PPP3CC: variants seen among roughly 807,000 people sequenced by gnomAD.
The protein encoded by PPP3CC is serine/threonine-protein phosphatase 2B catalytic subunit gamma isoform.
PPP3CC carries 35 observed loss-of-function variants against 60.3 expected under a neutral mutation model. The ratio of observed to expected loss-of-function variants is 0.58; its 90% CI spans 0.44 to 0.77. The LOEUF is 0.77. Among genes scored for constraint, PPP3CC ranks in the 30% least tolerant of loss-of-function variants. The pLI is 0.00. For synonymous variants in PPP3CC, 206 were observed against 224.3 expected, an observed-to-expected ratio of 0.92 and a Z score of 0.73; for missense variants, 570 against 628.9, an observed-to-expected ratio of 0.91 and a Z score of 1.00.
intron 1 of PPP3CC, among the ~76,000 whole-genome samples, chr8:22,459,946 G>A (rs1332102492): frequency 6.6e-6 from 1 of 152,158 alleles, no homozygotes; most frequent in Admixed American, 6.5e-5. Flanking sequence ...AGAAAATGAA[G>A]AGGCAAGCCA....
At chr8:22,530,401 G>A (rs903860070) in intron 10 of PPP3CC, among the ~76,000 whole-genome samples, 2 of 151,976 alleles carry the variant, frequency 1.3e-5, no homozygotes, top group Non-Finnish European at 1.5e-5. Flanking sequence ...GTTGCAATGA[G>A]CGGAGATCTT....
At chr8:22,515,138 C>A (rs1425668731) in intron 6 of PPP3CC, among the ~76,000 whole-genome samples, 5 of 152,102 alleles carry the variant, frequency 3.3e-5, no homozygotes, top group African/African-American at 1.2e-4. Flanking sequence ...CCTTCCCAGC[C>A]TCTGGTAACC....
intron 3 of PPP3CC, chr8:22,492,672 G>A (rs577011483): frequency 1.2e-5 from 9 of 742,044 alleles, no homozygotes; most frequent in East Asian, 2.7e-5. Flanking sequence ...GCACAAGTGC[G>A]CATTGGTGGG....
chr8:22,441,551 G>A, intron 1 of PPP3CC, 93 bp downstream of exon 1: 1 of 1,378,834 alleles, frequency 7.3e-7, no homozygotes, highest in Non-Finnish European at 9.6e-7. Context: ...GGGCCGGGCT[G>A]CGCCCACCCT....
At chr8:22,470,760 A>T (rs1425948168) in intron 1 of PPP3CC, among the ~76,000 whole-genome samples, 1 of 152,202 alleles carries the variant, frequency 6.6e-6, no homozygotes, top group Non-Finnish European at 1.5e-5. Flanking sequence ...GATGAGCAAT[A>T]TTGAGTGTTG....
chr8:22,489,735 A>AT, intron 3 of PPP3CC, among the ~76,000 whole-genome samples: 1 of 47,830 alleles, frequency 2.1e-5, no homozygotes, highest in African/African-American at 6.9e-5. Flanking sequence ...TATTATATAT[A>AT]TAATAAGTAT....
intron 3 of PPP3CC, among the ~76,000 whole-genome samples, chr8:22,494,450 A>G (rs1456894151): frequency 6.6e-6 from 1 of 152,122 alleles, no homozygotes; most frequent in African/African-American, 2.4e-5. Flanking sequence ...TCAAGTTGAG[A>G]TTTGGCTGGG....
At chr8:22,465,502 T>A (rs1198071320) in intron 1 of PPP3CC, among the ~76,000 whole-genome samples, 1 of 152,222 alleles carries the variant, frequency 6.6e-6, no homozygotes, top group Non-Finnish European at 1.5e-5. Flanking sequence ...TGGGGCCTAA[T>A]GAGAGGTGTT....
intron 1 of PPP3CC, among the ~76,000 whole-genome samples, chr8:22,454,666 T>C (rs1837138955): frequency 6.6e-6 from 1 of 152,222 alleles, no homozygotes; most frequent in Non-Finnish European, 1.5e-5. Context: ...ATAGAAACTT[T>C]TCAGCTCCAT....
At chr8:22,528,678 A>G in intron 10 of PPP3CC, 101 bp downstream of exon 10, 1 of 892,864 alleles carries the variant, frequency 1.1e-6, no homozygotes, top group Non-Finnish European at 1.6e-6. Flanking sequence ...TATTAAAAAT[A>G]AAGTTAGTTC....
chr8:22,473,137 A>G (rs1423094698), intron 1 of PPP3CC, among the ~76,000 whole-genome samples: 1 of 152,216 alleles, frequency 6.6e-6, no homozygotes, highest in South Asian at 2.1e-4. Flanking sequence ...ACAATATGGT[A>G]TGGCTAGATT....
At chr8:22,476,063 G>A (rs1263262634) in intron 3 of PPP3CC, among the ~76,000 whole-genome samples, 2 of 152,072 alleles carry the variant, frequency 1.3e-5, no homozygotes, top group Non-Finnish European at 2.9e-5. Context: ...GTCTGGTACT[G>A]GTACACATAG....
chr8:22,510,978 A>T, intron 4 of PPP3CC, 108 bp from the exon 5 acceptor site: 1 of 1,214,876 alleles, frequency 8.2e-7, no homozygotes, highest in Non-Finnish European at 1.2e-6. Context: ...CTTTCAAATC[A>T]TCTAAAATAA....
At chr8:22,514,248 CAA>C (rs66505760) in intron 6 of PPP3CC, among the ~76,000 whole-genome samples, 220 of 89,320 alleles carry the variant, frequency 2.5e-3, no homozygotes, top group Admixed American at 3.8e-3. Flanking sequence ...ACTCTGTCTC[CAA>C]AAAAAAAAAA....
In PPP3CC at chr8:22,475,689, T is replaced by G. The variant is rs759603760; in HGVS notation, c.372+65T>G. The G allele has an allele frequency of 5.6e-6, 8 of 1,434,318 alleles. No homozygotes were observed. In the East Asian group the frequency reaches 2.0e-4, roughly 35 times the overall value. The allele number at this position is 1,434,318 out of a possible 1,614,324, so 88.8% of individuals were successfully genotyped here. A position where few individuals can be genotyped will look rare whatever the true frequency, so the allele number is the denominator to read the frequency against. On this transcript the variant is annotated intron_variant, in intron 3 of 13. Transcript: ENST00000240139. ...CTTTCAAAAAAGATGATTTCCATTC[T>G]TCAGTAGAAGAAATTAAAATGAGAA...
intron 1 of PPP3CC, among the ~76,000 whole-genome samples, chr8:22,462,571 T>A (rs1396258099): frequency 6.6e-6 from 1 of 151,806 alleles, no homozygotes; most frequent in African/African-American, 2.4e-5. Context: ...TTTTTTTCTT[T>A]TTTCTTTTTT....
chr8:22,492,683 A>T, intron 3 of PPP3CC: 1 of 818,466 alleles, frequency 1.2e-6, no homozygotes, highest in Non-Finnish European at 2.1e-6. Context: ...CATTGGTGGG[A>T]AAGAAATGGT....
Position 22,540,599 on chromosome 8 carries a change from T to C in PPP3CC, c.1352-16T>C. The C allele has an allele frequency of 6.2e-7, 1 of 1,607,162 alleles. No individual in the cohort carries two copies. The highest frequency in any genetic ancestry group is 1.7e-5 in the Admixed American group (1 of 59,074). Reference sequence around the variant, plus strand: ...CCTAATTGAGCTCTCTCCACCTGCTTCCTGTTTTTCTGTAGCCATCAGAGG... The same window carrying C: ...CCTAATTGAGCTCTCTCCACCTGCTCCCTGTTTTTCTGTAGCCATCAGAGG... On this transcript the variant is annotated splice_polypyrimidine_tract_variant and intron_variant, in intron 13 of 13. Transcript: ENST00000240139.
Position 22,528,565 on chromosome 8 carries a change from G to C in PPP3CC, c.1129G>C (p.Asp377His), listed in dbSNP as rs1250277145. The C allele has an allele frequency of 3.2e-6, 5 of 1,548,534 alleles. No individual in the cohort carries two copies. The highest frequency in any genetic ancestry group is 3.6e-5 in the Admixed American group (2 of 56,220). The change falls in exon 10 of 14, where the codon GAT (aspartate) becomes CAT (histidine). Residue 377 changes from aspartate (D) to histidine (H), a missense_variant. By Grantham distance (81) the Asp-to-His change is moderately conservative. Transcript: ENST00000240139. ...ICSDDELISD[D>H]EAEGSTTVRK... ...CTCTGATGACGAACTGATTTCTGAT[G>C]ATGAAGCAGAAGGTAAACTTTTCCT...
Sources: allele counts gnomAD v4.1 joint callset (sites outside exome capture counted in the v4.1 genomes callset), GRCh38; gene constraint gnomAD v4.1.1; transcripts MANE v1.5; gene names NCBI Gene and HGNC (gene_info 2026-07-23, HGNC 2026-07-21).